TACR1: variants seen among roughly 807,000 people sequenced by gnomAD.
TACR1 encodes the protein tachykinin receptor 1.
In TACR1, 25 loss-of-function variants were observed where a neutral mutation model predicts 35.8. The ratio of observed to expected loss-of-function variants is 0.70; its 90% CI spans 0.51 to 0.98. The LOEUF is 0.98. TACR1 is among the 50% of genes least tolerant of loss of function. The probability of loss-of-function intolerance (pLI) is 0.00; values close to 1 mark genes in which losing one functional copy is unlikely to be tolerated. For synonymous variants in TACR1, 195 were observed against 206.7 expected, an observed-to-expected ratio of 0.94 and a Z score of 0.48; for missense variants, 478 against 522.9, an observed-to-expected ratio of 0.91 and a Z score of 0.84.
intron 2 of TACR1, among the ~76,000 whole-genome samples, chr2:75,110,139 T>C (rs1018840405): frequency 1.8e-4 from 28 of 151,996 alleles, no homozygotes; most frequent in African/African-American, 6.8e-4. Flanking sequence ...TCACAAATTA[T>C]GTAAAATGGG....
intron 2 of TACR1, among the ~76,000 whole-genome samples, chr2:75,073,737 G>T (rs534805101): frequency 6.6e-6 from 1 of 152,294 alleles, no homozygotes; most frequent in Admixed American, 6.5e-5. Flanking sequence ...CCTGCCATTT[G>T]CCGGGAAACT....
chr2:75,185,200 T>C (rs1209732655), intron 1 of TACR1, among the ~76,000 whole-genome samples: 1 of 151,934 alleles, frequency 6.6e-6, no homozygotes, highest in Non-Finnish European at 1.5e-5. Flanking sequence ...TTATATGGCA[T>C]TTAAAAAAGA....
intron 1 of TACR1, among the ~76,000 whole-genome samples, chr2:75,131,149 C>T (rs1031448623): frequency 6.6e-6 from 1 of 151,144 alleles, no homozygotes; most frequent in Non-Finnish European, 1.5e-5. Context: ...AGTGCAGTGG[C>T]ACTATCTCAG....
At chr2:75,128,055 G>A (rs1674109055) in intron 1 of TACR1, among the ~76,000 whole-genome samples, 1 of 152,156 alleles carries the variant, frequency 6.6e-6, no homozygotes. Context: ...GAGGGCAGGG[G>A]TTGTGTTCAC....
At chr2:75,098,911 G>A (rs944610620) in intron 2 of TACR1, among the ~76,000 whole-genome samples, 33 of 142,208 alleles carry the variant, frequency 2.3e-4, no homozygotes, top group Middle Eastern at 3.6e-3. Flanking sequence ...GCAAATTAAG[G>A]CTTTTTTTTT....
chr2:75,119,563 T>C (rs2103905858), intron 2 of TACR1, among the ~76,000 whole-genome samples: 1 of 152,336 alleles, frequency 6.6e-6, no homozygotes, highest in East Asian at 1.9e-4. Context: ...TTGAGCAGAA[T>C]GAAACAAAGA....
intron 1 of TACR1, among the ~76,000 whole-genome samples, chr2:75,148,046 G>C (rs556115133): frequency 3.9e-5 from 6 of 151,982 alleles, no homozygotes; most frequent in Non-Finnish European, 8.8e-5. Context: ...ACACCTGGCC[G>C]ATCTCATTCC....
At chr2:75,104,792 CA>C (rs1380549710) in intron 2 of TACR1, among the ~76,000 whole-genome samples, 1 of 151,994 alleles carries the variant, frequency 6.6e-6, no homozygotes, top group Non-Finnish European at 1.5e-5. Context: ...AAATGCTCAG[CA>C]GCACTAATCA....
At chr2:75,122,294 A>G (rs1201738853) in intron 1 of TACR1, among the ~76,000 whole-genome samples, 3 of 152,152 alleles carry the variant, frequency 2.0e-5, no homozygotes, top group South Asian at 2.1e-4. Context: ...TCCTGCCCCA[A>G]CGGGAGGAAG....
intron 2 of TACR1, among the ~76,000 whole-genome samples, chr2:75,114,506 G>C (rs1452054402): frequency 6.6e-6 from 1 of 152,094 alleles, no homozygotes; most frequent in Non-Finnish European, 1.5e-5. Context: ...TGAGACCATT[G>C]CCACCCTACA....
intron 1 of TACR1, among the ~76,000 whole-genome samples, chr2:75,147,002 C>G (rs185704925): frequency 6.6e-6 from 1 of 152,332 alleles, no homozygotes; most frequent in East Asian, 1.9e-4. Flanking sequence ...TGCATTTACA[C>G]TGATGCAAAC....
At chr2:75,053,989 C>A (rs1184240653) in intron 2 of TACR1, among the ~76,000 whole-genome samples, 1 of 151,956 alleles carries the variant, frequency 6.6e-6, no homozygotes, top group Non-Finnish European at 1.5e-5. Context: ...TGGACTTTTT[C>A]CATAATGAAT....
chr2:75,120,211 C>A (rs1673939594), intron 2 of TACR1, among the ~76,000 whole-genome samples: 1 of 152,154 alleles, frequency 6.6e-6, no homozygotes, highest in South Asian at 2.1e-4. Context: ...TTCCTGCAAC[C>A]TGTGCAGGAG....
chr2:75,094,859 A>ATATATATATATATATATATATATATAT, intron 2 of TACR1, among the ~76,000 whole-genome samples: 13 of 113,086 alleles, frequency 1.1e-4, no homozygotes, highest in African/African-American at 6.2e-4. Context: ...ATATATATAT[A>ATATATATATATATATATATATATATAT]TTTTTTTTTT....
intron 2 of TACR1, among the ~76,000 whole-genome samples, chr2:75,077,591 C>T (rs1203016177): frequency 2.0e-5 from 3 of 152,246 alleles, no homozygotes; most frequent in Non-Finnish European, 4.4e-5. Context: ...AGGCAGAAGC[C>T]TGCAGGTAAC....
rs1558535059 is a variant in TACR1 at position 75,048,129 on chromosome 2, T to C, written c.*1303A>G. 6.6e-6 allele frequency: 1 copy of C among 152,220 alleles called. No individual in the cohort carries two copies. The highest frequency in any genetic ancestry group is 1.5e-5 in the Non-Finnish European group (1 of 68,048). The allele number at this position is 152,220 out of a possible 1,614,324, so 9.4% of individuals were successfully genotyped here. On this transcript the variant is annotated 3_prime_UTR_variant, in exon 5 of 5. Transcript: ENST00000305249. ...TAGAGACAGGAAGCTGGCAAAGCCA[T>C]GGAGCAGGGAGGAGACATTCAGAGA...
intron 2 of TACR1, among the ~76,000 whole-genome samples, chr2:75,107,439 A>G (rs1418968753): frequency 1.3e-5 from 2 of 151,988 alleles, no homozygotes; most frequent in African/African-American, 4.8e-5. Context: ...TAAGTCCCAA[A>G]AGGTAACCTT....
intron 2 of TACR1, among the ~76,000 whole-genome samples, chr2:75,076,387 T>C (rs1302262827): frequency 6.6e-6 from 1 of 152,236 alleles, no homozygotes; most frequent in Non-Finnish European, 1.5e-5. Context: ...CAGAAGCTTA[T>C]AAACCTTTTT....
At chr2:75,070,219 A>ATG (rs961134818) in intron 2 of TACR1, among the ~76,000 whole-genome samples, 2 of 89,154 alleles carry the variant, frequency 2.2e-5, no homozygotes, top group Non-Finnish European at 4.0e-5. Context: ...CATTGTATGT[A>ATG]TGTGTGTGTG....
Sources: gnomAD v4.1 joint callset for allele counts (sites outside exome capture counted in the v4.1 genomes callset) on GRCh38, gnomAD v4.1.1 for gene constraint, MANE v1.5 for transcripts, NCBI Gene and HGNC (gene_info 2026-07-23, HGNC 2026-07-21) for gene names.